Variants in MECOM observed in about 807,000 individuals in gnomAD.
The protein encoded by MECOM is histone-lysine N-methyltransferase MECOM.
MECOM carries 13 observed loss-of-function variants against 116.3 expected under a neutral mutation model. That is an observed-to-expected ratio of 0.11 (90% CI 0.07 to 0.18). MECOM has a LOEUF of 0.18. Ranked by LOEUF, MECOM falls within the 10% of genes least tolerant of loss-of-function variation. The probability of loss-of-function intolerance (pLI) is 1.00; values close to 1 mark genes in which losing one functional copy is unlikely to be tolerated. For missense variants in MECOM, 1,299 were observed against 1,509.0 expected (o/e 0.86, Z 2.31); for synonymous variants, 528 against 535.2 (o/e 0.99, Z 0.19).
At chr3:169,184,716 A>T (rs1746477911) in intron 2 of MECOM, among the ~76,000 whole-genome samples, 1 of 152,158 alleles carries the variant, frequency 6.6e-6, no homozygotes. Context: ...GCTATGGACA[A>T]CAGGGAGCCA....
At chr3:169,125,324 T>C (rs1295516259) in intron 5 of MECOM, among the ~76,000 whole-genome samples, 1 of 152,100 alleles carries the variant, frequency 6.6e-6, no homozygotes, top group Non-Finnish European at 1.5e-5. Context: ...AAAATCACTG[T>C]ACAGATTGCA....
At chr3:169,248,938 G>T (rs1755922228) in intron 2 of MECOM, among the ~76,000 whole-genome samples, 2 of 152,072 alleles carry the variant, frequency 1.3e-5, no homozygotes, top group African/African-American at 4.8e-5. Context: ...CTCAGTCTGT[G>T]GTACTCTGTT....
chr3:169,486,043 A>ATATATAATACATATATATATAG (rs1752339390), intron 1 of MECOM, among the ~76,000 whole-genome samples: 1 of 130,368 alleles, frequency 7.7e-6, no homozygotes, highest in African/African-American at 3.1e-5. Context: ...ATATATATGT[A>ATATATAATACATATATATATAG]TATATATATA....
chr3:169,485,526 T>C (rs1752015738), intron 1 of MECOM, among the ~76,000 whole-genome samples: 1 of 152,076 alleles, frequency 6.6e-6, no homozygotes, highest in Admixed American at 6.6e-5. Flanking sequence ...TAAGACACTT[T>C]ATCAAATTAC....
intron 1 of MECOM, among the ~76,000 whole-genome samples, chr3:169,560,858 G>A (rs1762555350): frequency 1.3e-5 from 2 of 151,906 alleles, no homozygotes; most frequent in Admixed American, 1.3e-4. Context: ...TAGAATTTTG[G>A]GTGACTTTTT....
At chr3:169,564,734 C>A (rs1763024992) in intron 1 of MECOM, among the ~76,000 whole-genome samples, 1 of 152,204 alleles carries the variant, frequency 6.6e-6, no homozygotes, top group South Asian at 2.1e-4. Context: ...TAAAAGGTTT[C>A]ATGTAATGAG....
In MECOM at chr3:169,119,572, A is replaced by C. The variant is rs1577023782; in HGVS notation, c.1132+1484T>G. Among the ~76,000 whole-genome samples, 3 of 152,324 alleles carry C rather than the reference A, an allele frequency of 2.0e-5. No homozygotes were observed. In the South Asian group the frequency reaches 6.2e-4, roughly 32 times the overall value. The stretch of plus-strand genomic sequence containing the variant: ...TGACTTTTATTTTAAATAATAGAGA[A>C]AGCATTAAATGAGTGATCAGAATTC... On this transcript the variant is annotated intron_variant, in intron 7 of 16. Coordinates refer to ENST00000651503, the MANE Select transcript of MECOM (RefSeq NM_004991.4).
At chr3:169,403,680 C>T (rs1051815367) in intron 1 of MECOM, among the ~76,000 whole-genome samples, 1 of 152,074 alleles carries the variant, frequency 6.6e-6, no homozygotes, top group African/African-American at 2.4e-5. Flanking sequence ...TTGTGTTTAC[C>T]ACTTCATAGC....
chr3:169,345,542 A>C (rs1725208023), intron 2 of MECOM, among the ~76,000 whole-genome samples: 1 of 152,156 alleles, frequency 6.6e-6, no homozygotes, highest in African/African-American at 2.4e-5. Flanking sequence ...CCTCAGCACA[A>C]CAGGAGACTT....
At chr3:169,321,466 G>A (rs561817917) in intron 2 of MECOM, among the ~76,000 whole-genome samples, 96 of 152,260 alleles carry the variant, frequency 6.3e-4, no homozygotes, top group African/African-American at 2.1e-3. Context: ...CTTGAGCCCG[G>A]GAAGGTGGAG....
intron 1 of MECOM, among the ~76,000 whole-genome samples, chr3:169,595,660 C>G (rs144439917): frequency 6.6e-6 from 1 of 152,150 alleles, no homozygotes; most frequent in African/African-American, 2.4e-5. Context: ...AAATGCTTTT[C>G]TTATTTTTGA....
intron 2 of MECOM, among the ~76,000 whole-genome samples, chr3:169,329,498 C>T (rs1722389106): frequency 1.3e-5 from 2 of 152,162 alleles, no homozygotes; most frequent in Admixed American, 1.3e-4. Flanking sequence ...AACCATTGAG[C>T]ATCCTTTTCT....
At chr3:169,482,324 C>T (rs1249406287) in intron 1 of MECOM, among the ~76,000 whole-genome samples, 4 of 121,362 alleles carry the variant, frequency 3.3e-5, no homozygotes, top group African/African-American at 1.3e-4. Context: ...GCTTAACCCA[C>T]GTTCTTTTTT....
At chr3:169,647,835 T>C (rs779678015) in intron 1 of MECOM, among the ~76,000 whole-genome samples, 4 of 152,164 alleles carry the variant, frequency 2.6e-5, no homozygotes, top group Non-Finnish European at 5.9e-5. Context: ...TTGAGGACAC[T>C]GAGGCTCAGA....
intron 1 of MECOM, among the ~76,000 whole-genome samples, chr3:169,402,352 CAT>C (rs1736042665): frequency 6.6e-6 from 1 of 152,142 alleles, no homozygotes; most frequent in Non-Finnish European, 1.5e-5. Flanking sequence ...GGGAGGCAAT[CAT>C]AGAGCCCTGG....
chr3:169,086,324 A>G (rs1717716221), intron 16 of MECOM, among the ~76,000 whole-genome samples: 1 of 152,186 alleles, frequency 6.6e-6, no homozygotes, highest in Non-Finnish European at 1.5e-5. Context: ...GGCAGAGTTT[A>G]AAGTATGGGT....
intron 2 of MECOM, among the ~76,000 whole-genome samples, chr3:169,230,699 G>C (rs1753276315): frequency 6.6e-6 from 1 of 152,106 alleles, no homozygotes; most frequent in South Asian, 2.1e-4. Flanking sequence ...GCAGAAAAGA[G>C]GCTTCTACCT....
intron 1 of MECOM, among the ~76,000 whole-genome samples, chr3:169,646,870 T>A (rs1774258645): frequency 6.6e-6 from 1 of 152,172 alleles, no homozygotes; most frequent in Non-Finnish European, 1.5e-5. Flanking sequence ...CATTTGGATC[T>A]CCCTAAACAA....
chr3:169,204,448 G>A (rs941918028), intron 2 of MECOM, among the ~76,000 whole-genome samples: 2 of 152,124 alleles, frequency 1.3e-5, no homozygotes, highest in African/African-American at 4.8e-5. Context: ...TTGTCCCACA[G>A]CTCCCAATAG....
Sources: gnomAD v4.1 joint callset for allele counts (sites outside exome capture counted in the v4.1 genomes callset) on GRCh38, gnomAD v4.1.1 for gene constraint, MANE v1.5 for transcripts, NCBI Gene and HGNC (gene_info 2026-07-23, HGNC 2026-07-21) for gene names.